Variants in ACOXL observed in about 807,000 individuals in gnomAD.
The protein encoded by ACOXL is acyl-CoA oxidase like, also known as acyl-coenzyme A oxidase-like protein.
ACOXL carries 70 observed loss-of-function variants against 71.9 expected under a neutral mutation model. That is an observed-to-expected ratio of 0.97 (90% CI 0.80 to 1.19). ACOXL has a LOEUF of 1.19. ACOXL is among the 50% of genes most tolerant of loss of function. The pLI is 0.00. For synonymous variants in ACOXL, 253 were observed against 281.6 expected, an observed-to-expected ratio of 0.90 and a Z score of 1.02; for missense variants, 703 against 736.3, an observed-to-expected ratio of 0.95 and a Z score of 0.52.
At chr2:110,804,312 G>A (rs144324264) in intron 8 of ACOXL, among the ~76,000 whole-genome samples, 1 of 152,262 alleles carries the variant, frequency 6.6e-6, no homozygotes, top group African/African-American at 2.4e-5. Context: ...AGGGGCAGAC[G>A]ATAACAAGTG....
intron 12 of ACOXL, among the ~76,000 whole-genome samples, chr2:110,944,968 G>A (rs10202539): frequency 0.28 from 41,854 of 152,096 alleles, 6,607 homozygotes; most frequent in Non-Finnish European, 0.35. Flanking sequence ...CACCAGCAGT[G>A]TATAAGTGTT....
intron 14 of ACOXL, among the ~76,000 whole-genome samples, chr2:111,022,234 G>A (rs1445796289): frequency 1.3e-5 from 2 of 151,874 alleles, no homozygotes; most frequent in South Asian, 2.1e-4. Context: ...GCATGGTGGT[G>A]GGCGCCTGTA....
At chr2:110,846,888 A>G (rs1056889879) in intron 10 of ACOXL, among the ~76,000 whole-genome samples, 2 of 152,142 alleles carry the variant, frequency 1.3e-5, no homozygotes, top group Admixed American at 6.5e-5. Flanking sequence ...TCGATGGTGT[A>G]AATGTACCAA....
At chr2:110,757,042 T>C (rs1679794710) in intron 1 of ACOXL, among the ~76,000 whole-genome samples, 1 of 152,120 alleles carries the variant, frequency 6.6e-6, no homozygotes, top group Non-Finnish European at 1.5e-5. Flanking sequence ...TACCTGATGC[T>C]CTCCCTCCTC....
At chr2:110,824,554 G>A (rs894265116) in intron 9 of ACOXL, among the ~76,000 whole-genome samples, 1 of 151,898 alleles carries the variant, frequency 6.6e-6, no homozygotes, top group Non-Finnish European at 1.5e-5. Context: ...TTATATTAAT[G>A]TCTTTTCAAG....
chr2:111,009,452 T>G (rs1485835779), intron 14 of ACOXL, among the ~76,000 whole-genome samples: 1 of 149,830 alleles, frequency 6.7e-6, no homozygotes, highest in Non-Finnish European at 1.5e-5. Flanking sequence ...AGGTGGAGGT[T>G]GCAGTGAGCC....
In ACOXL at chr2:110,986,714, A is replaced by G. The variant is rs969035751; in HGVS notation, c.1060-394A>G. ...GAGATTGTTTTATTTGTGCATTTCA[A>G]TACTATTCCCCAAAGGTCTAATTGA... On this transcript the variant is annotated intron_variant, in intron 12 of 17. Transcript: ENST00000439055. 2.6e-5 allele frequency among the ~76,000 whole-genome samples: 4 copies of G among 152,210 alleles called. No individual in the cohort carries two copies. In the East Asian group the frequency reaches 5.8e-4, roughly 22 times the overall value.
In ACOXL at chr2:110,933,476, C is replaced by T. The variant is rs180837880; in HGVS notation, c.906-13C>T. 6.9e-4 allele frequency: 1,111 copies of T among 1,611,790 alleles called. 3 individuals are homozygous for T. Among genetic ancestry groups the T allele is most frequent in the Middle Eastern group, 6.3e-3 (38 of 6,050 alleles). ...CCGCCACTTCCATCACACATGTCTG[C>T]TTTGTCCTGCAGGTATGCTGGGGCC... On this transcript the variant is annotated splice_polypyrimidine_tract_variant and intron_variant, in intron 11 of 17. Transcript: ENST00000439055.
At chr2:110,968,004 C>T in intron 12 of ACOXL, 1 of 972,346 alleles carries the variant, frequency 1.0e-6, no homozygotes, top group Non-Finnish European at 1.6e-6. Context: ...ATCTAACCAA[C>T]AGAGATATCA....
At chr2:110,736,441 T>C (rs1185990293) in intron 1 of ACOXL, among the ~76,000 whole-genome samples, 1 of 152,138 alleles carries the variant, frequency 6.6e-6, no homozygotes, top group Non-Finnish European at 1.5e-5. Flanking sequence ...TCTCAGCATC[T>C]GACTATTCCA....
At chr2:110,945,907 A>G (rs1409131021) in intron 12 of ACOXL, among the ~76,000 whole-genome samples, 2 of 152,052 alleles carry the variant, frequency 1.3e-5, no homozygotes, top group Non-Finnish European at 2.9e-5. Flanking sequence ...GTTTCATAGG[A>G]ATAGCGTTGA....
chr2:110,775,393 G>A (rs1682511996), intron 2 of ACOXL, among the ~76,000 whole-genome samples: 1 of 152,002 alleles, frequency 6.6e-6, no homozygotes, highest in Non-Finnish European at 1.5e-5. Flanking sequence ...AAAATAAACT[G>A]GACTACATCA....
intron 5 of ACOXL, chr2:110,795,816 A>G (rs910097038): frequency 1.3e-5 from 2 of 152,156 alleles, no homozygotes; most frequent in Non-Finnish European, 2.9e-5. Flanking sequence ...AAACACCCAC[A>G]GCTCTTATTT....
In ACOXL at chr2:110,924,886, T is replaced by G. The variant is rs369001046; in HGVS notation, c.906-8603T>G. ...ACTGTCTATGACAGCCATAGCCTTA[T>G]GAAATGTATTTAATAAATAATAAGA... On this transcript the variant is annotated intron_variant, in intron 11 of 17. Coordinates refer to ENST00000439055, the MANE Select transcript of ACOXL (RefSeq NM_001142807.4). Among the ~76,000 whole-genome samples, 128 of 152,204 alleles carry G rather than the reference T, an allele frequency of 8.4e-4. 2 individuals carry two copies. The South Asian group carries it at 0.025, about 30-fold the overall frequency.
chr2:110,847,287 C>T (rs1020369944), intron 10 of ACOXL, among the ~76,000 whole-genome samples: 1 of 152,140 alleles, frequency 6.6e-6, no homozygotes, highest in East Asian at 1.9e-4. Flanking sequence ...CTGGTGAGTG[C>T]CCCTGGGCCA....
chr2:111,100,870 G>A (rs948944956), intron 17 of ACOXL: 2 of 152,658 alleles, frequency 1.3e-5, no homozygotes, highest in Non-Finnish European at 2.9e-5. Context: ...GCCAAGGAGG[G>A]CCTGCTGATG....
At chr2:111,041,193 A>G (rs1169131061) in intron 15 of ACOXL, among the ~76,000 whole-genome samples, 1 of 152,144 alleles carries the variant, frequency 6.6e-6, no homozygotes, top group Admixed American at 6.5e-5. Context: ...ACACATGCAG[A>G]TGCCGAGACA....
chr2:110,873,073 A>G (rs1695463952), intron 10 of ACOXL, among the ~76,000 whole-genome samples: 1 of 152,210 alleles, frequency 6.6e-6, no homozygotes, highest in African/African-American at 2.4e-5. Flanking sequence ...ACTGTAGGCA[A>G]ATGTGCTGGG....
intron 1 of ACOXL, among the ~76,000 whole-genome samples, chr2:110,734,343 C>T (rs1210675889): frequency 2.0e-5 from 3 of 151,724 alleles, no homozygotes; most frequent in Non-Finnish European, 2.9e-5. Flanking sequence ...GATCTCAGCT[C>T]ACTGCAACCT....
Sources: allele counts gnomAD v4.1 joint callset (sites outside exome capture counted in the v4.1 genomes callset), GRCh38; gene constraint gnomAD v4.1.1; transcripts MANE v1.5; gene names NCBI Gene and HGNC (gene_info 2026-07-23, HGNC 2026-07-21).